The following MACROD2 variants were observed in gnomAD, a reference collection of about 807,000 sequenced individuals.
MACROD2 encodes the protein mono-ADP ribosylhydrolase 2.
MACROD2 carries 36 observed loss-of-function variants against 70.4 expected under a neutral mutation model. That is an observed-to-expected ratio of 0.51 (90% CI 0.39 to 0.68). The LOEUF (loss-of-function observed/expected upper bound fraction) is 0.68. MACROD2 is among the 30% of genes least tolerant of loss of function. MACROD2 has a pLI of 0.00. For missense variants in MACROD2, 496 were observed against 538.4 expected (o/e 0.92, Z 0.78); for synonymous variants, 172 against 178.8 (o/e 0.96, Z 0.30).
At chr20:15,656,961 T>C (rs2049740463) in intron 8 of MACROD2, among the ~76,000 whole-genome samples, 1 of 152,106 alleles carries the variant, frequency 6.6e-6, no homozygotes, top group Non-Finnish European at 1.5e-5. Context: ...AAAATAAAGA[T>C]GTTTCCAATT....
At chr20:14,802,394 T>C (rs79025740) in intron 5 of MACROD2, among the ~76,000 whole-genome samples, 2,050 of 152,172 alleles carry the variant, frequency 0.013, 46 homozygotes, top group African/African-American at 0.047. Context: ...AGATCTAGAA[T>C]GACTTGTCAT....
intron 2 of MACROD2, among the ~76,000 whole-genome samples, chr20:14,064,618 A>G (rs967262964): frequency 3.3e-5 from 5 of 152,182 alleles, no homozygotes; most frequent in South Asian, 2.1e-4. Flanking sequence ...TCATTTTTCT[A>G]TCTCCATTGC....
intron 8 of MACROD2, among the ~76,000 whole-genome samples, chr20:15,528,032 GCA>G (rs1300628892): frequency 6.6e-6 from 1 of 152,152 alleles, no homozygotes; most frequent in East Asian, 1.9e-4. Context: ...ATAATGCCTG[GCA>G]CACAGTTAGT....
chr20:15,203,664 CTAAGA>C lies in MACROD2; in HGVS notation c.419-26272_419-26268del, dbSNP rs146941110. 8.8e-3 allele frequency among the ~76,000 whole-genome samples: 1,341 copies of C among 151,928 alleles called. 30 individuals are homozygous for C. Among genetic ancestry groups the C allele is most frequent in the African/African-American group, 0.029 (1,192 of 41,434 alleles). On this transcript the variant is annotated intron_variant, in intron 5 of 17. Coordinates refer to ENST00000684519, the MANE Select transcript of MACROD2 (RefSeq NM_001351661.2). ...TTATTTATATCTGAAATGAACTAAA[CTAAGA>C]TAATTTAATCTTCTAGTCCAAGGTC...
At chr20:15,928,503 A>C (rs541016251) in intron 10 of MACROD2, among the ~76,000 whole-genome samples, 5 of 152,370 alleles carry the variant, frequency 3.3e-5, no homozygotes, top group Admixed American at 1.3e-4. Context: ...AGTAGGCAGT[A>C]GTAGGCCCCA....
intron 5 of MACROD2, among the ~76,000 whole-genome samples, chr20:15,122,786 G>A (rs567802418): frequency 4.2e-4 from 64 of 152,220 alleles, no homozygotes; most frequent in Middle Eastern, 3.4e-3. Flanking sequence ...CTCATGAGGG[G>A]GAAAAACACA....
intron 5 of MACROD2, among the ~76,000 whole-genome samples, chr20:14,974,100 A>G (rs1464817308): frequency 6.6e-6 from 1 of 152,232 alleles, no homozygotes; most frequent in Non-Finnish European, 1.5e-5. Flanking sequence ...AACTAATGCA[A>G]TAGCCAGTTG....
intron 4 of MACROD2, among the ~76,000 whole-genome samples, chr20:14,573,006 T>A (rs1408476124): frequency 1.3e-5 from 2 of 151,880 alleles, no homozygotes; most frequent in Non-Finnish European, 2.9e-5. Context: ...CAGAGAAAAG[T>A]AGAGAATAGT....
rs142435271 is a variant in MACROD2, at chr20:15,958,801, T to C, written c.908-8752T>C. ...AGGTTATGAGGGTTGGTCCCCACGATAGAATTAGTGTCCTTATAAAAAGCA... is the reference window on the plus strand; with the variant it reads ...AGGTTATGAGGGTTGGTCCCCACGACAGAATTAGTGTCCTTATAAAAAGCA... On this transcript the variant is annotated intron_variant, in intron 12 of 17. Transcript: ENST00000684519. 1.0e-3 allele frequency among the ~76,000 whole-genome samples: 152 copies of C among 152,220 alleles called. 3 individuals are homozygous for C. In the East Asian group the frequency reaches 0.023, roughly 23 times the overall value.
chr20:15,647,626 G>A (rs1415870408), intron 8 of MACROD2, among the ~76,000 whole-genome samples: 1 of 152,080 alleles, frequency 6.6e-6, no homozygotes, highest in Non-Finnish European at 1.5e-5. Flanking sequence ...TATAATTCTT[G>A]TGGGAAAAGT....
At chr20:15,306,644 C>T (rs1162886226) in intron 6 of MACROD2, among the ~76,000 whole-genome samples, 1 of 152,202 alleles carries the variant, frequency 6.6e-6, no homozygotes, top group Admixed American at 6.5e-5. Flanking sequence ...GAAACTCTAA[C>T]AGCAGAGTGA....
intron 5 of MACROD2, among the ~76,000 whole-genome samples, chr20:14,925,139 GT>G (rs1232716166): frequency 1.3e-5 from 2 of 151,642 alleles, no homozygotes; most frequent in African/African-American, 4.8e-5. Flanking sequence ...TGTGTTTTTT[GT>G]TTTGTTTTGT....
intron 4 of MACROD2, among the ~76,000 whole-genome samples, chr20:14,540,186 T>G (rs926251243): frequency 1.3e-5 from 2 of 152,228 alleles, no homozygotes; most frequent in Non-Finnish European, 2.9e-5. Flanking sequence ...AATGATGGGA[T>G]AACATCTTTA....
intron 7 of MACROD2, among the ~76,000 whole-genome samples, chr20:15,476,011 AC>A (rs1456543173): frequency 3.3e-5 from 5 of 152,332 alleles, no homozygotes; most frequent in Non-Finnish European, 7.3e-5. Flanking sequence ...AGATGGGGCC[AC>A]CCCTATTCTT....
intron 3 of MACROD2, among the ~76,000 whole-genome samples, chr20:14,260,401 T>C (rs1404860676): frequency 1.3e-5 from 2 of 152,228 alleles, no homozygotes; most frequent in Non-Finnish European, 2.9e-5. Context: ...CATGTCTGCC[T>C]TTCTCAAAGA....
intron 5 of MACROD2, among the ~76,000 whole-genome samples, chr20:14,771,644 TACACAC>T (rs745602537): frequency 7.1e-6 from 1 of 141,682 alleles, no homozygotes; most frequent in Non-Finnish European, 1.6e-5. Context: ...TATCCAAAAA[TACACAC>T]ACACACACAC....
rs574735974 is a variant in MACROD2 at position 14,609,985 on chromosome 20, A to C, written c.302-74858A>C. Reference sequence around the variant, plus strand: ...TCTTTTTTCGTATTTTGTAGTCAAAAGCTCATGTATACCGCAGGGTTTTAC... The same window carrying C: ...TCTTTTTTCGTATTTTGTAGTCAAACGCTCATGTATACCGCAGGGTTTTAC... On this transcript the variant is annotated intron_variant, in intron 4 of 17. Coordinates refer to ENST00000684519, the MANE Select transcript of MACROD2 (RefSeq NM_001351661.2). 1.7e-3 allele frequency among the ~76,000 whole-genome samples: 255 copies of C among 152,294 alleles called. 1 individual carries two copies. The highest frequency in any genetic ancestry group is 5.7e-3 in the African/African-American group (238 of 41,572).
intron 5 of MACROD2, among the ~76,000 whole-genome samples, chr20:15,198,844 T>C (rs2076629909): frequency 6.6e-6 from 1 of 152,206 alleles, no homozygotes. Context: ...GCTCTTGACA[T>C]GTGACTCCAC....
chr20:14,120,972 C>T lies in MACROD2; in HGVS notation c.271+35244C>T, dbSNP rs191567203. ...ATAGGTGCGACAAACCATCATTACA[C>T]ATGTATACCTATGTAACAAACCTGC... On this transcript the variant is annotated intron_variant, in intron 3 of 17. Coordinates refer to ENST00000684519, the MANE Select transcript of MACROD2 (RefSeq NM_001351661.2). Among the ~76,000 whole-genome samples, 10 of 151,830 alleles carry T rather than the reference C, an allele frequency of 6.6e-5. No individual in the cohort carries two copies. The East Asian group carries it at 1.7e-3, about 26-fold the overall frequency.
Sources: gnomAD v4.1 joint callset for allele counts (sites outside exome capture counted in the v4.1 genomes callset) on GRCh38, gnomAD v4.1.1 for gene constraint, MANE v1.5 for transcripts, NCBI Gene and HGNC (gene_info 2026-07-23, HGNC 2026-07-21) for gene names.